The following DPYD variants were observed in gnomAD, a reference collection of about 807,000 sequenced individuals.
DPYD encodes the protein dihydropyrimidine dehydrogenase [NADP(+)].
DPYD carries 109 observed loss-of-function variants against 116.2 expected under a neutral mutation model. The ratio of observed to expected loss-of-function variants is 0.94; its 90% CI spans 0.80 to 1.10. DPYD has a LOEUF of 1.10. Ranked by LOEUF, DPYD falls within the 50% of genes least tolerant of loss-of-function variation. The pLI, the probability that DPYD is intolerant of heterozygous loss-of-function variation, is 0.00. For missense variants in DPYD, 1,302 were observed against 1,254.5 expected (o/e 1.04, Z -0.57); for synonymous variants, 440 against 432.0 (o/e 1.02, Z -0.23).
chr1:97,197,349 C>G (rs1447457721), intron 19 of DPYD, among the ~76,000 whole-genome samples: 1 of 151,982 alleles, frequency 6.6e-6, no homozygotes, highest in Non-Finnish European at 1.5e-5. Flanking sequence ...CTCTGAGATT[C>G]TATTTTTTTG....
chr1:97,225,986 C>T (rs1377902937), intron 19 of DPYD, among the ~76,000 whole-genome samples: 1 of 152,032 alleles, frequency 6.6e-6, no homozygotes, highest in Non-Finnish European at 1.5e-5. Context: ...TTGCAAAAAT[C>T]TTCACCAAAG....
chr1:97,889,158 AAAAT>A (rs1475568764), intron 1 of DPYD, among the ~76,000 whole-genome samples: 7 of 152,148 alleles, frequency 4.6e-5, no homozygotes, highest in African/African-American at 1.7e-4. Flanking sequence ...ACTCTGTCTC[AAAAT>A]AAATAGATAA....
At chr1:97,255,810 C>T (rs1275659373) in intron 18 of DPYD, among the ~76,000 whole-genome samples, 4 of 151,450 alleles carry the variant, frequency 2.6e-5, no homozygotes, top group African/African-American at 4.9e-5. Flanking sequence ...AAGCAGTTAG[C>T]GCCAGAGTCC....
chr1:97,817,518 T>C (rs764257784), intron 3 of DPYD, among the ~76,000 whole-genome samples: 3 of 151,964 alleles, frequency 2.0e-5, no homozygotes, highest in South Asian at 2.1e-4. Flanking sequence ...CAAAAAAACA[T>C]AGGGCCAGCT....
At chr1:97,793,888 T>C (rs1419528308) in intron 3 of DPYD, among the ~76,000 whole-genome samples, 1 of 152,052 alleles carries the variant, frequency 6.6e-6, no homozygotes, top group African/African-American at 2.4e-5. Context: ...AAAATAACAA[T>C]TTCTGTTCTT....
chr1:97,299,349 T>A (rs28552810), intron 18 of DPYD, among the ~76,000 whole-genome samples: 25,290 of 152,130 alleles, frequency 0.17, 2,571 homozygotes, highest in Middle Eastern at 0.24. Context: ...GTTTTCTTAA[T>A]ATGCTTGTCA....
intron 3 of DPYD, among the ~76,000 whole-genome samples, chr1:97,795,516 G>A (rs961696253): frequency 6.6e-6 from 1 of 151,910 alleles, no homozygotes; most frequent in Non-Finnish European, 1.5e-5. Flanking sequence ...ATAGAATGGA[G>A]ACTAAAGATC....
chr1:97,483,377 T>C (rs2101886069), intron 13 of DPYD, among the ~76,000 whole-genome samples: 1 of 152,334 alleles, frequency 6.6e-6, no homozygotes, highest in African/African-American at 2.4e-5. Flanking sequence ...GCCCTTGCTA[T>C]GGTTTGAATG....
chr1:97,521,153 T>C (rs1413418653), intron 12 of DPYD, among the ~76,000 whole-genome samples: 1 of 152,224 alleles, frequency 6.6e-6, no homozygotes. Context: ...TCCTGACTTT[T>C]AAGTTATCGC....
At chr1:97,488,945 T>A (rs375188638) in intron 13 of DPYD, among the ~76,000 whole-genome samples, 2 of 152,340 alleles carry the variant, frequency 1.3e-5, no homozygotes, top group South Asian at 2.1e-4. Flanking sequence ...CACAACGAGC[T>A]GTACCTCTGC....
chr1:97,133,060 T>C (rs993476349), intron 20 of DPYD, among the ~76,000 whole-genome samples: 5 of 152,112 alleles, frequency 3.3e-5, no homozygotes, highest in Non-Finnish European at 5.9e-5. Flanking sequence ...CTAGTTAGCT[T>C]GAACATTTTC....
chr1:97,691,837 A>AT, intron 6 of DPYD, 39 bp from the exon 7 acceptor site: 1 of 1,537,826 alleles, frequency 6.5e-7, no homozygotes, highest in Non-Finnish European at 9.0e-7. Context: ...CATCAGTAGA[A>AT]AAATGACCAA....
At chr1:97,482,355 T>C (rs1206483419) in intron 13 of DPYD, among the ~76,000 whole-genome samples, 1 of 152,220 alleles carries the variant, frequency 6.6e-6, no homozygotes, top group African/African-American at 2.4e-5. Context: ...CATAAACACC[T>C]GTATTTTTCT....
chr1:97,801,050 T>C (rs950324803), intron 3 of DPYD, among the ~76,000 whole-genome samples: 4 of 151,914 alleles, frequency 2.6e-5, no homozygotes, highest in Non-Finnish European at 5.9e-5. Flanking sequence ...TGTTATGGAC[T>C]GAATGTCTGT....
intron 2 of DPYD, among the ~76,000 whole-genome samples, chr1:97,862,593 T>C (rs1671173274): frequency 6.6e-6 from 1 of 151,690 alleles, no homozygotes; most frequent in Non-Finnish European, 1.5e-5. Context: ...TTCTTTATTG[T>C]TCATCTTCCT....
At chr1:97,132,069 T>G (rs1011502897) in intron 20 of DPYD, among the ~76,000 whole-genome samples, 5 of 152,096 alleles carry the variant, frequency 3.3e-5, no homozygotes, top group Non-Finnish European at 5.9e-5. Context: ...GAAAGAAGCC[T>G]AGGAAAATGT....
At chr1:97,915,599 G>A (rs2101716397) in intron 1 of DPYD, among the ~76,000 whole-genome samples, 2 of 152,204 alleles carry the variant, frequency 1.3e-5, no homozygotes, top group Admixed American at 1.3e-4. Context: ...AGGATTATGA[G>A]CAAATGAAGT....
At chr1:97,477,604 C>CTTTTTTTTTTTTTTTTTTTTTT (rs56199931) in intron 13 of DPYD, among the ~76,000 whole-genome samples, 1 of 113,654 alleles carries the variant, frequency 8.8e-6, no homozygotes, top group African/African-American at 3.4e-5. Context: ...GACTGTTCTT[C>CTTTTTTTTTTTTTTTTTTTTTT]TTTTTTTTTT....
At chr1:97,530,910 G>C (rs1287326320) in intron 12 of DPYD, among the ~76,000 whole-genome samples, 1 of 151,992 alleles carries the variant, frequency 6.6e-6, no homozygotes, top group Non-Finnish European at 1.5e-5. Context: ...CATTTGTATG[G>C]CTTGTTTGAA....
Sources: allele counts gnomAD v4.1 joint callset (sites outside exome capture counted in the v4.1 genomes callset), GRCh38; gene constraint gnomAD v4.1.1; transcripts MANE v1.5; gene names NCBI Gene and HGNC (gene_info 2026-07-23, HGNC 2026-07-21).